The following NTM variants were observed in gnomAD, a reference collection of about 807,000 sequenced individuals.
NTM encodes IgLON family member 2.
NTM carries 13 observed loss-of-function variants against 42.1 expected under a neutral mutation model. That is an observed-to-expected ratio of 0.31 (90% CI 0.20 to 0.49). The LOEUF (loss-of-function observed/expected upper bound fraction) is 0.49, where lower values mean the gene tolerates loss of function less well. NTM is among the 20% of genes least tolerant of loss of function. NTM has a pLI of 0.99. For missense variants in NTM, 373 were observed against 452.8 expected, an observed-to-expected ratio of 0.82 and a Z score of 1.60; for synonymous variants, 187 against 179.2, an observed-to-expected ratio of 1.04 and a Z score of -0.35.
chr11:131,586,909 C>G (rs1029470407), intron 1 of NTM, among the ~76,000 whole-genome samples: 5 of 152,136 alleles, frequency 3.3e-5, no homozygotes, highest in African/African-American at 1.2e-4. Flanking sequence ...CCTAGAGCAA[C>G]TTCAGCTATT....
intron 4 of NTM, among the ~76,000 whole-genome samples, chr11:132,218,770 G>C (rs2084479497): frequency 6.6e-6 from 1 of 152,186 alleles, no homozygotes; most frequent in South Asian, 2.1e-4. Flanking sequence ...TTCAGGACCA[G>C]AACTGGGCCT....
At chr11:132,080,610 C>G (rs117234132) in intron 2 of NTM, among the ~76,000 whole-genome samples, 22 of 152,342 alleles carry the variant, frequency 1.4e-4, no homozygotes, top group Non-Finnish European at 2.2e-4. Flanking sequence ...TACATTTCAT[C>G]TCTGTATTCC....
intron 1 of NTM, among the ~76,000 whole-genome samples, chr11:131,547,753 T>C (rs1029952693): frequency 2.0e-5 from 3 of 152,178 alleles, no homozygotes; most frequent in African/African-American, 7.2e-5. Flanking sequence ...AAGAGTTCGC[T>C]TTTAGTTCTC....
chr11:132,156,176 C>A (rs1215303505), intron 3 of NTM, among the ~76,000 whole-genome samples: 2 of 152,068 alleles, frequency 1.3e-5, no homozygotes, highest in Non-Finnish European at 2.9e-5. Flanking sequence ...CTCTTTAGCC[C>A]AAGAGAGCCA....
chr11:132,021,403 C>G (rs189525380), intron 2 of NTM, among the ~76,000 whole-genome samples: 1 of 152,116 alleles, frequency 6.6e-6, no homozygotes, highest in Non-Finnish European at 1.5e-5. Flanking sequence ...CTATTGCCTA[C>G]TTTGTTTTGT....
At chr11:131,496,059 G>T (rs766846497) in intron 1 of NTM, among the ~76,000 whole-genome samples, 1 of 152,218 alleles carries the variant, frequency 6.6e-6, no homozygotes, top group Non-Finnish European at 1.5e-5. Flanking sequence ...GATGACTTCT[G>T]TGGAAGCCAG....
intron 3 of NTM, among the ~76,000 whole-genome samples, chr11:132,168,042 A>G (rs753882616): frequency 6.6e-6 from 1 of 152,214 alleles, no homozygotes; most frequent in African/African-American, 2.4e-5. Context: ...CGATCCACAT[A>G]GGAATCAGAG....
At chr11:131,720,163 C>T (rs1234686040) in intron 1 of NTM, among the ~76,000 whole-genome samples, 1 of 152,202 alleles carries the variant, frequency 6.6e-6, no homozygotes, top group Non-Finnish European at 1.5e-5. Context: ...TAATTGTACA[C>T]ATACATTGTG....
In NTM at chr11:132,243,042, G is replaced by A. The variant is rs141410373; in HGVS notation, c.526+30895G>A. 2.2e-4 allele frequency among the ~76,000 whole-genome samples: 33 copies of A among 152,254 alleles called. No individual in the cohort carries two copies. The East Asian group carries it at 5.4e-3, about 25-fold the overall frequency. On this transcript the variant is annotated intron_variant, in intron 4 of 8. Transcript: ENST00000683400. Reference sequence around the variant, plus strand: ...TTTTGCCCCTCAATTTTAAGAAGACGCTGCAGAGTTCTTAGCTTAAGCTAT... The same window carrying A: ...TTTTGCCCCTCAATTTTAAGAAGACACTGCAGAGTTCTTAGCTTAAGCTAT...
At chr11:131,430,181 G>C (rs557543255) in intron 1 of NTM, among the ~76,000 whole-genome samples, 1 of 152,158 alleles carries the variant, frequency 6.6e-6, no homozygotes, top group Admixed American at 6.5e-5. Context: ...TTTAATGAAC[G>C]CTGTAATAAT....
intron 1 of NTM, chr11:131,777,216 G>T (rs1390219595): frequency 5.0e-6 from 1 of 201,742 alleles, no homozygotes; most frequent in East Asian, 1.9e-4. Flanking sequence ...TAGACACCTT[G>T]GTTTGGGAAG....
intron 2 of NTM, among the ~76,000 whole-genome samples, chr11:132,071,862 G>A (rs2057722301): frequency 1.3e-5 from 2 of 152,110 alleles, no homozygotes; most frequent in African/African-American, 2.4e-5. Flanking sequence ...TCCATCAGTA[G>A]CAATAGGCCT....
At chr11:132,201,697 A>G (rs1037695244) in intron 3 of NTM, among the ~76,000 whole-genome samples, 1 of 152,238 alleles carries the variant, frequency 6.6e-6, no homozygotes, top group Non-Finnish European at 1.5e-5. Context: ...TACAGCAAAC[A>G]ATTATGCTGT....
At chr11:131,625,285 G>GT (rs1482169778) in intron 1 of NTM, among the ~76,000 whole-genome samples, 9 of 152,122 alleles carry the variant, frequency 5.9e-5, no homozygotes, top group Non-Finnish European at 1.3e-4. Context: ...CCCTGATAAG[G>GT]TCCCCCCATG....
At chr11:131,608,269 G>A (rs971384501) in intron 1 of NTM, among the ~76,000 whole-genome samples, 2 of 152,086 alleles carry the variant, frequency 1.3e-5, no homozygotes, top group Non-Finnish European at 2.9e-5. Flanking sequence ...GCGTATATGT[G>A]CCACATTTTC....
At chr11:132,254,546 A>G (rs552760010) in intron 4 of NTM, among the ~76,000 whole-genome samples, 1 of 151,876 alleles carries the variant, frequency 6.6e-6, no homozygotes, top group East Asian at 2.0e-4. Flanking sequence ...AGTCCCATCT[A>G]CCGCTGGCCT....
intron 1 of NTM, among the ~76,000 whole-genome samples, chr11:131,585,463 G>T (rs2058772707): frequency 6.6e-6 from 1 of 152,132 alleles, no homozygotes; most frequent in Non-Finnish European, 1.5e-5. Flanking sequence ...GGGTAGAGGG[G>T]ACCCCCCAGC....
intron 1 of NTM, among the ~76,000 whole-genome samples, chr11:131,867,514 C>T (rs913915232): frequency 6.0e-5 from 9 of 150,830 alleles, no homozygotes; most frequent in African/African-American, 2.2e-4. Context: ...CGTGTGTACA[C>T]GTGTGTATTG....
intron 1 of NTM, among the ~76,000 whole-genome samples, chr11:131,520,593 A>G (rs940649949): frequency 6.6e-6 from 1 of 152,172 alleles, no homozygotes; most frequent in Non-Finnish European, 1.5e-5. Context: ...GGGGAGCAGG[A>G]AGAGCTTTTT....
Sources: gnomAD v4.1 joint callset for allele counts (sites outside exome capture counted in the v4.1 genomes callset) on GRCh38, gnomAD v4.1.1 for gene constraint, MANE v1.5 for transcripts, NCBI Gene and HGNC (gene_info 2026-07-23, HGNC 2026-07-21) for gene names.